The following CNBD1 variants were observed in gnomAD, a reference collection of about 807,000 sequenced individuals.
CNBD1 encodes the protein cyclic nucleotide binding domain containing 1, also known as cyclic nucleotide-binding domain-containing protein 1.
In CNBD1, 71 loss-of-function variants were observed where a neutral mutation model predicts 54.4. The ratio of observed to expected loss-of-function variants is 1.30; its 90% confidence interval spans 1.08 to 1.59. The LOEUF (loss-of-function observed/expected upper bound fraction) is 1.59. Among genes scored for constraint, CNBD1 ranks in the 40% most tolerant of loss-of-function variants. The probability of loss-of-function intolerance (pLI) is 0.00; values close to 1 mark genes in which losing one functional copy is unlikely to be tolerated. For synonymous variants in CNBD1, 182 were observed against 170.7 expected (o/e 1.07, Z -0.51); for missense variants, 659 against 518.0 (o/e 1.27, Z -2.64).
At chr8:87,195,507 C>T (rs960727635) in intron 4 of CNBD1, among the ~76,000 whole-genome samples, 5 of 150,960 alleles carry the variant, frequency 3.3e-5, no homozygotes, top group African/African-American at 7.3e-5. Context: ...GGATTACAGG[C>T]GTAAGTCACC....
At chr8:87,333,981 G>A (rs1424874784) in intron 8 of CNBD1, among the ~76,000 whole-genome samples, 1 of 152,172 alleles carries the variant, frequency 6.6e-6, no homozygotes, top group Non-Finnish European at 1.5e-5. Context: ...GAATTCGGCT[G>A]TTAATCCATC....
chr8:87,213,957 C>T (rs1362258948), intron 5 of CNBD1, among the ~76,000 whole-genome samples: 1 of 152,140 alleles, frequency 6.6e-6, no homozygotes, highest in Non-Finnish European at 1.5e-5. Context: ...AACCAAGGGG[C>T]TAAAGGCCCC....
At chr8:87,406,482 T>TACACACACACACACACAC (rs1563589764) in intron 2 of CNBD1, among the ~76,000 whole-genome samples, 1 of 142,968 alleles carries the variant, frequency 7.0e-6, no homozygotes, top group African/African-American at 2.8e-5. Flanking sequence ...ACACACACTT[T>TACACACACACACACACAC]TTTTTTTTTT....
At chr8:87,301,769 G>T (rs188834103) in intron 8 of CNBD1, among the ~76,000 whole-genome samples, 34 of 151,864 alleles carry the variant, frequency 2.2e-4, no homozygotes, top group African/African-American at 8.0e-4. Context: ...AAAGAGAGAA[G>T]AATCAAATAG....
rs1003025037 is a variant in CNBD1 at position 87,320,944 on chromosome 8, T to G, written c.1043-30741T>G. 3.9e-5 allele frequency among the ~76,000 whole-genome samples: 6 copies of G among 152,160 alleles called. No individual in the cohort carries two copies. The East Asian group carries it at 1.2e-3, about 29-fold the overall frequency. ...TATGGCTATTTTAGACACCTCATATTAGTGGAATCATGCAGTATTTGTCCT... is the reference window on the plus strand; with the variant it reads ...TATGGCTATTTTAGACACCTCATATGAGTGGAATCATGCAGTATTTGTCCT... On this transcript the variant is annotated intron_variant, in intron 8 of 10. Transcript: ENST00000518476.
At chr8:86,930,322 ACCCTT>A (rs1809435495) in intron 3 of CNBD1, among the ~76,000 whole-genome samples, 1 of 152,082 alleles carries the variant, frequency 6.6e-6, no homozygotes, top group Admixed American at 6.6e-5. Context: ...GATGCCTTGT[ACCCTT>A]GATTAGCTAG....
chr8:86,951,363 C>A (rs1317872233), intron 4 of CNBD1, among the ~76,000 whole-genome samples: 1 of 151,582 alleles, frequency 6.6e-6, no homozygotes, highest in Non-Finnish European at 1.5e-5. Flanking sequence ...CCGAGGCAGG[C>A]AGATCACCTG....
rs552930617 is a variant in CNBD1 at position 87,180,258 on chromosome 8, G to C, written c.432-25735G>C. 3.9e-5 allele frequency among the ~76,000 whole-genome samples: 6 copies of C among 152,184 alleles called. No homozygotes were observed. The South Asian group carries it at 1.2e-3, about 31-fold the overall frequency. On this transcript the variant is annotated intron_variant, in intron 4 of 10. Coordinates refer to ENST00000518476, the MANE Select transcript of CNBD1 (RefSeq NM_173538.3). ...ATTCATTATATTTTAAGCATGAATT[G>C]GTTGTTTGCAGAAATCATGAATAAA...
intron 10 of CNBD1, among the ~76,000 whole-genome samples, chr8:87,376,255 T>C (rs1049866446): frequency 6.6e-6 from 1 of 151,874 alleles, no homozygotes; most frequent in South Asian, 2.1e-4. Flanking sequence ...AGTCCCTGGC[T>C]GATCTGGTGT....
chr8:86,953,594 C>T (rs11784220), intron 4 of CNBD1, among the ~76,000 whole-genome samples: 11,821 of 152,198 alleles, frequency 0.078, 586 homozygotes, highest in Non-Finnish European at 0.11. Flanking sequence ...AGGCCGAGCA[C>T]GGTGGCTCAT....
chr8:87,373,657 A>C (rs561568668), intron 10 of CNBD1, among the ~76,000 whole-genome samples: 1 of 151,814 alleles, frequency 6.6e-6, no homozygotes, highest in Non-Finnish European at 1.5e-5. Flanking sequence ...GAAAATTACA[A>C]TAAATGTTGG....
intron 4 of CNBD1, among the ~76,000 whole-genome samples, chr8:86,965,680 G>A (rs76825844): frequency 0.015 from 2,271 of 152,190 alleles, 46 homozygotes; most frequent in African/African-American, 0.044. Context: ...TTTTCTGGCC[G>A]GAAACCTCTG....
chr8:87,317,161 C>A (rs997911530), intron 8 of CNBD1, among the ~76,000 whole-genome samples: 1 of 151,640 alleles, frequency 6.6e-6, no homozygotes, highest in Non-Finnish European at 1.5e-5. Flanking sequence ...GCCTTGGTTT[C>A]ATTAATTTTC....
chr8:87,302,344 C>G (rs561722620), intron 8 of CNBD1, among the ~76,000 whole-genome samples: 1 of 152,278 alleles, frequency 6.6e-6, no homozygotes, highest in South Asian at 2.1e-4. Flanking sequence ...ATATGCAAAT[C>G]AATGAACGTA....
In CNBD1 at chr8:87,388,667, G is replaced by A. The variant is rs942626002; in HGVS notation, c.213+34881G>A. ...ATGAATTCACAGCCGAATTCTACCAGAGGTACAAGGAGGAGCTGGTACCAT... is the reference window on the plus strand; with the variant it reads ...ATGAATTCACAGCCGAATTCTACCAAAGGTACAAGGAGGAGCTGGTACCAT... On this transcript the variant is annotated intron_variant, in intron 2 of 7. Transcript: ENST00000521593. Among the ~76,000 whole-genome samples the A allele has an allele frequency of 2.6e-5, 4 of 152,152 alleles. No homozygotes were observed. In the East Asian group the frequency reaches 7.7e-4, roughly 29 times the overall value.
At chr8:87,310,534 TA>T (rs1241558108) in intron 8 of CNBD1, among the ~76,000 whole-genome samples, 1 of 152,182 alleles carries the variant, frequency 6.6e-6, no homozygotes, top group Non-Finnish European at 1.5e-5. Context: ...GAAGAATCAG[TA>T]TTGTTAAAAT....
At chr8:87,428,181 AC>A (rs1808082958) in intron 2 of CNBD1, among the ~76,000 whole-genome samples, 2 of 152,100 alleles carry the variant, frequency 1.3e-5, no homozygotes, top group Non-Finnish European at 2.9e-5. Flanking sequence ...AAAAACAAAA[AC>A]AAAAAACCCA....
In CNBD1 at chr8:87,286,671, G is replaced by T. The variant is rs973832955; in HGVS notation, c.1042G>T (p.Val348Leu). The change falls in exon 8 of 11, where the codon GTG becomes TTG. Residue 348 changes from valine to leucine, a missense_variant and splice_region_variant. Physicochemically the swap from Val to Leu is conservative, Grantham distance 32. Transcript: ENST00000518476. ...ATGGAAAAAATTTCCTCCAGGTCATGGTAAGTTTAATGCAATTTAGATCAT... is the reference window on the plus strand; with the variant it reads ...ATGGAAAAAATTTCCTCCAGGTCATTGTAAGTTTAATGCAATTTAGATCAT... Reference protein sequence around the residue: ...LKWKKFPPGHVIVESGNIISF... With the variant: ...LKWKKFPPGHLIVESGNIISF... 9 of 1,538,886 alleles carry T rather than the reference G, an allele frequency of 5.8e-6. No individual in the cohort carries two copies. The African/African-American group carries it at 1.2e-4, about 21-fold the overall frequency.
intron 2 of CNBD1, among the ~76,000 whole-genome samples, chr8:87,419,338 A>G (rs1807886920): frequency 6.6e-6 from 1 of 151,884 alleles, no homozygotes; most frequent in Non-Finnish European, 1.5e-5. Flanking sequence ...TAGGTACAGT[A>G]TTTATCTTCA....
Sources: gnomAD v4.1 joint callset for allele counts (sites outside exome capture counted in the v4.1 genomes callset) on GRCh38, gnomAD v4.1.1 for gene constraint, MANE v1.5 for transcripts, NCBI Gene and HGNC (gene_info 2026-07-23, HGNC 2026-07-21) for gene names.